The following BRINP1 variants were observed in gnomAD, a reference collection of about 807,000 sequenced individuals.
BRINP1 encodes the protein BMP/retinoic acid inducible neural specific 1, also known as BMP/retinoic acid-inducible neural-specific protein 1.
BRINP1 carries 17 observed loss-of-function variants against 72.9 expected under a neutral mutation model. The observed-to-expected ratio is 0.23, with a 90% CI of 0.16 to 0.35. The LOEUF (loss-of-function observed/expected upper bound fraction) is 0.35. Ranked by LOEUF, BRINP1 falls within the 10% of genes least tolerant of loss-of-function variation. The pLI is 1.00. For missense variants in BRINP1, 850 were observed against 1,001.6 expected, an observed-to-expected ratio of 0.85 and a Z score of 2.04; for synonymous variants, 418 against 378.5, an observed-to-expected ratio of 1.10 and a Z score of -1.21.
intron 7 of BRINP1, among the ~76,000 whole-genome samples, chr9:119,204,094 C>T (rs1829829340): frequency 1.3e-5 from 2 of 152,298 alleles, no homozygotes; most frequent in African/African-American, 4.8e-5. Flanking sequence ...TGGAGAGGTC[C>T]TGTGTGGGCA....
intron 2 of BRINP1, among the ~76,000 whole-genome samples, chr9:119,266,768 G>C (rs1476117431): frequency 6.6e-6 from 1 of 152,156 alleles, no homozygotes. Flanking sequence ...TTCTGTGCCT[G>C]GCTTATTTCA....
chr9:119,290,732 C>T (rs1381465562), intron 2 of BRINP1, among the ~76,000 whole-genome samples: 5 of 152,022 alleles, frequency 3.3e-5, no homozygotes, highest in African/African-American at 4.8e-5. Flanking sequence ...GGAAGAGAAT[C>T]CCATATGGAA....
intron 5 of BRINP1, among the ~76,000 whole-genome samples, chr9:119,224,471 G>A (rs1241227767): frequency 1.3e-5 from 2 of 152,046 alleles, no homozygotes; most frequent in Non-Finnish European, 2.9e-5. Flanking sequence ...AAGACACTGA[G>A]AAGTCCTGCA....
At chr9:119,320,359 A>C (rs1375031285) in intron 1 of BRINP1, among the ~76,000 whole-genome samples, 5 of 152,150 alleles carry the variant, frequency 3.3e-5, no homozygotes, top group South Asian at 2.1e-4. Context: ...ATGGTCAATA[A>C]ATTTATCTAT....
chr9:119,354,344 A>G (rs1024089713), intron 1 of BRINP1, among the ~76,000 whole-genome samples: 10 of 152,184 alleles, frequency 6.6e-5, no homozygotes, highest in African/African-American at 2.4e-4. Flanking sequence ...AAAGCCTGGG[A>G]ACCCCTTATT....
chr9:119,338,715 A>C (rs1564252049), intron 1 of BRINP1, among the ~76,000 whole-genome samples: 1 of 129,390 alleles, frequency 7.7e-6, no homozygotes, highest in Non-Finnish European at 1.8e-5. Flanking sequence ...TACTAAAAAT[A>C]CAAAAAAAAA....
chr9:119,258,794 A>G (rs1830469873), intron 2 of BRINP1, among the ~76,000 whole-genome samples: 1 of 152,156 alleles, frequency 6.6e-6, no homozygotes, highest in African/African-American at 2.4e-5. Flanking sequence ...GTCACCCCAC[A>G]CATTATTCTC....
chr9:119,343,407 C>A (rs1279649244), intron 1 of BRINP1, among the ~76,000 whole-genome samples: 3 of 152,148 alleles, frequency 2.0e-5, no homozygotes, highest in Non-Finnish European at 4.4e-5. Context: ...CCGCCTGGCA[C>A]CATGCAACAC....
At chr9:119,305,754 T>A (rs949138524) in intron 2 of BRINP1, among the ~76,000 whole-genome samples, 2 of 152,182 alleles carry the variant, frequency 1.3e-5, no homozygotes, top group African/African-American at 4.8e-5. Flanking sequence ...TCAAGGCACA[T>A]GACACTGTGG....
chr9:119,311,059 C>T (rs1831061044), intron 2 of BRINP1, among the ~76,000 whole-genome samples: 1 of 152,168 alleles, frequency 6.6e-6, no homozygotes, highest in African/African-American at 2.4e-5. Context: ...TATACACATC[C>T]TGCACATTTC....
chr9:119,290,583 C>G (rs1830811361), intron 2 of BRINP1, among the ~76,000 whole-genome samples: 1 of 151,954 alleles, frequency 6.6e-6, no homozygotes, highest in Non-Finnish European at 1.5e-5. Flanking sequence ...TGCAAAAATT[C>G]TGGAGTTTGA....
chr9:119,321,570 G>T (rs888338657), intron 1 of BRINP1, among the ~76,000 whole-genome samples: 1 of 152,046 alleles, frequency 6.6e-6, no homozygotes, highest in Non-Finnish European at 1.5e-5. Context: ...CCAGCTCACC[G>T]CATCAGCGAT....
chr9:119,355,501 G>A (rs772933433), intron 1 of BRINP1, among the ~76,000 whole-genome samples: 24 of 152,070 alleles, frequency 1.6e-4, no homozygotes, highest in Non-Finnish European at 2.9e-4. Context: ...GGCCAAGGTG[G>A]GCGAATCACA....
At chr9:119,175,048 C>G (rs1373301824) in intron 7 of BRINP1, among the ~76,000 whole-genome samples, 4 of 143,212 alleles carry the variant, frequency 2.8e-5, no homozygotes, top group African/African-American at 1.1e-4. Context: ...AGTGCACCAG[C>G]ATGGCACATG....
intron 1 of BRINP1, among the ~76,000 whole-genome samples, chr9:119,337,243 A>T (rs898431080): frequency 1.3e-5 from 2 of 152,136 alleles, no homozygotes; most frequent in Admixed American, 1.3e-4. Flanking sequence ...AAACTCAAAA[A>T]CCCACAGTCC....
chr9:119,342,428 A>G (rs1423719288), intron 1 of BRINP1, among the ~76,000 whole-genome samples: 1 of 152,218 alleles, frequency 6.6e-6, no homozygotes, highest in Non-Finnish European at 1.5e-5. Context: ...ACAAAGAAAC[A>G]GAGACACAAA....
chr9:119,347,011 C>T (rs990933203), intron 1 of BRINP1, among the ~76,000 whole-genome samples: 1 of 152,166 alleles, frequency 6.6e-6, no homozygotes, highest in Non-Finnish European at 1.5e-5. Context: ...ATTCCTACCT[C>T]TTCTTCAGGT....
chr9:119,223,589 C>G (rs1388108755), intron 5 of BRINP1, among the ~76,000 whole-genome samples: 1 of 152,030 alleles, frequency 6.6e-6, no homozygotes, highest in Non-Finnish European at 1.5e-5. Flanking sequence ...AAACACAGCT[C>G]ATTCATCTAC....
intron 3 of BRINP1, among the ~76,000 whole-genome samples, chr9:119,246,588 G>A (rs1445851904): frequency 1.3e-5 from 2 of 152,048 alleles, no homozygotes; most frequent in East Asian, 3.9e-4. Flanking sequence ...TATCCTATTA[G>A]TTCCGTCACT....
Sources: gnomAD v4.1 joint callset for allele counts (sites outside exome capture counted in the v4.1 genomes callset) on GRCh38, gnomAD v4.1.1 for gene constraint, MANE v1.5 for transcripts, NCBI Gene and HGNC (gene_info 2026-07-23, HGNC 2026-07-21) for gene names.